RAB11FIP5: variants seen among roughly 807,000 people sequenced by gnomAD.
The protein encoded by RAB11FIP5 is rab11 family-interacting protein 5.
Under a neutral mutation model 85.1 loss-of-function variants are expected in RAB11FIP5, and 48 were observed. The observed-to-expected ratio is 0.56, with a 90% confidence interval of 0.45 to 0.72. The LOEUF (loss-of-function observed/expected upper bound fraction) is 0.72, where lower values mean the gene tolerates loss of function less well. Ranked by LOEUF, RAB11FIP5 falls within the 30% of genes least tolerant of loss-of-function variation. The pLI, the probability that RAB11FIP5 is intolerant of heterozygous loss-of-function variation, is 0.00. For missense variants in RAB11FIP5, 1,491 were observed against 1,687.0 expected, an observed-to-expected ratio of 0.88 and a Z score of 2.04; for synonymous variants, 729 against 727.3, an observed-to-expected ratio of 1.00 and a Z score of -0.04.
At chr2:73,079,271 GC>G (rs1054702231) in intron 4 of RAB11FIP5, among the ~76,000 whole-genome samples, 1 of 151,648 alleles carries the variant, frequency 6.6e-6, no homozygotes, top group Non-Finnish European at 1.5e-5. Context: ...AAGTTCCACC[GC>G]CCCCCACCCA....
intron 1 of RAB11FIP5, among the ~76,000 whole-genome samples, chr2:73,099,707 G>C (rs13406847): frequency 0.031 from 4,690 of 152,322 alleles, 240 homozygotes; most frequent in African/African-American, 0.11. Flanking sequence ...CCTGCTAGCT[G>C]GGAGCAAGCT....
intron 1 of RAB11FIP5, among the ~76,000 whole-genome samples, chr2:73,091,893 G>A (rs540906290): frequency 6.6e-6 from 1 of 152,342 alleles, no homozygotes; most frequent in African/African-American, 2.4e-5. Context: ...GGTAGGAACA[G>A]ATGGTGCCAC....
At position 73,076,230 on chromosome 2, in the gene RAB11FIP5, G is replaced by T. The variant is rs551077192; in HGVS notation, c.3582-48C>A. The T allele has an allele frequency of 2.7e-6, 4 of 1,497,870 alleles. No individual in the cohort carries two copies. In the South Asian group the frequency reaches 3.5e-5, roughly 13 times the overall value. 92.8% of individuals were successfully genotyped at this position (1,497,870 alleles called of 1,614,324 possible). A position where few individuals can be genotyped will look rare whatever the true frequency, so the allele number is the denominator to read the frequency against. On this transcript the variant is annotated intron_variant, in intron 4 of 5. Coordinates refer to ENST00000486777, the MANE Select transcript of RAB11FIP5 (RefSeq NM_001371272.1). Reference sequence around the variant, plus strand: ...GGTTACACAGAGAGAAGGGTGGCACGGGTCAAAGGTGGGGCTGCCTTCCCT... The same window carrying T: ...GGTTACACAGAGAGAAGGGTGGCACTGGTCAAAGGTGGGGCTGCCTTCCCT...
intron 1 of RAB11FIP5, among the ~76,000 whole-genome samples, chr2:73,090,127 T>C (rs1684181789): frequency 6.6e-6 from 1 of 152,104 alleles, no homozygotes; most frequent in Non-Finnish European, 1.5e-5. Flanking sequence ...TACTACCCCA[T>C]TGTACAGATC....
At chr2:73,096,375 A>G (rs1684319980) in intron 1 of RAB11FIP5, among the ~76,000 whole-genome samples, 1 of 152,140 alleles carries the variant, frequency 6.6e-6, no homozygotes, top group Non-Finnish European at 1.5e-5. Context: ...ACACATACCC[A>G]TGCAAGTGCC....
Position 73,112,379 on chromosome 2 carries a change from C to A in RAB11FIP5, c.399G>T (p.Glu133Asp). The A allele has an allele frequency of 6.2e-7, 1 of 1,600,708 alleles. No individual in the cohort carries two copies. ...FLGQATVALDEVFGAGRAQHT... is the reference protein window; with the variant it reads ...FLGQATVALDDVFGAGRAQHT... ...GCTGGGCGCGGCCTGCGCCGAAGAC[C>A]TCGTCCAGCGCCACCGTGGCCTGGC... is the stretch of plus-strand genomic sequence containing the variant. The change falls in exon 1 of 6, where the codon GAG becomes GAT. Residue 133 changes from glutamate (E) to aspartate (D), a missense_variant. Glu to Asp is a conservative substitution (Grantham distance 45, BLOSUM62 2). This residue lies in a region of RAB11FIP5 where 1,211 missense variants were observed against 1,338.0 expected (regional missense o/e 0.91). Coordinates refer to ENST00000486777, the MANE Select transcript of RAB11FIP5 (RefSeq NM_001371272.1).
chr2:73,087,945 C>T lies in RAB11FIP5; in HGVS notation c.1568+105G>A, dbSNP rs941607854. The stretch of plus-strand genomic sequence containing the variant: ...CATGCAAAGCCAGAGCCCCAGCAGC[C>T]TGCCTGAGGTCCATATCTACTCCTT... On this transcript the variant is annotated intron_variant, in intron 3 of 5. Transcript: ENST00000486777. The T allele has an allele frequency of 8.7e-6, 10 of 1,153,366 alleles. No homozygotes were observed. The African/African-American group carries it at 1.4e-4, about 16-fold the overall frequency. 71.4% of individuals were successfully genotyped at this position (1,153,366 alleles called of 1,614,324 possible).
intron 3 of RAB11FIP5, among the ~76,000 whole-genome samples, chr2:73,087,515 AC>A (rs1351056967): frequency 1.3e-5 from 2 of 152,174 alleles, no homozygotes; most frequent in East Asian, 3.9e-4. Flanking sequence ...TGGGGAAGCA[AC>A]TGGCAGGTGA....
intron 1 of RAB11FIP5, among the ~76,000 whole-genome samples, chr2:73,104,251 T>G (rs189442841): frequency 6.6e-6 from 1 of 152,160 alleles, no homozygotes; most frequent in East Asian, 1.9e-4. Context: ...TGCCCTTCTG[T>G]ACCTTTAGAA....
chr2:73,104,002 C>T (rs995710110), intron 1 of RAB11FIP5, among the ~76,000 whole-genome samples: 1 of 152,196 alleles, frequency 6.6e-6, no homozygotes, highest in African/African-American at 2.4e-5. Flanking sequence ...TCAGTTCAGA[C>T]CCCACAACAG....
chr2:73,088,988 G>A lies in RAB11FIP5; in HGVS notation c.759C>T (p.Gly253=). 6.2e-7 allele frequency: 1 copy of A among 1,614,222 alleles called. No individual in the cohort carries two copies. The highest frequency in any genetic ancestry group is 8.5e-7 in the Non-Finnish European group (1 of 1,180,038). The change falls in exon 2 of 6, where the codon GGC becomes GGT. Residue 253 remains glycine, a synonymous_variant. Coordinates refer to ENST00000486777, the MANE Select transcript of RAB11FIP5 (RefSeq NM_001371272.1). ...TGGCTGAGGACAGGGTGCTGTCCGA[G>A]CCCAGCGAGGTGTTGGACTGGGTCA... ...SSLTQSNTSL[G]SDSTLSSASG...
chr2:73,089,550 G>A lies in RAB11FIP5; in HGVS notation c.432-235C>T, dbSNP rs111644918. 532 of 605,258 alleles carry A rather than the reference G, an allele frequency of 8.8e-4. 3 individuals are homozygous for A. The highest frequency in any genetic ancestry group is 5.5e-3 in the African/African-American group (300 of 54,332). 37.5% of individuals were successfully genotyped at this position (605,258 alleles called of 1,614,324 possible). ...CACATCCTGAGTGGGGAAGCTCCTC[G>A]GGTGCCACCAGGTAGGGCGGCGGTT... On this transcript the variant is annotated intron_variant, in intron 1 of 5. Transcript: ENST00000486777. This position sits in a 1 kb window ranked among gnomAD's most constrained non-coding sequence, Gnocchi z 4.6.
At position 73,080,280 on chromosome 2, in the gene RAB11FIP5, G is replaced by A. The variant is rs1051055000; in HGVS notation, c.2952C>T (p.Pro984=). Residue 984 remains proline (P), a synonymous_variant, in exon 4 of 6, where the codon CCC becomes CCT. Transcript: ENST00000486777. The part of the protein sequence containing the change: ...GLEELVEDAS[P]PVSGPCLSAP... ...CAGACAGGCAGGGCCCAGACACAGGGGGGCTGGCATCCTCCACTAGCTCTT... is the reference window on the plus strand; with the variant it reads ...CAGACAGGCAGGGCCCAGACACAGGAGGGCTGGCATCCTCCACTAGCTCTT... 2.4e-6 allele frequency: 3 copies of A among 1,232,954 alleles called. No individual in the cohort carries two copies. Among genetic ancestry groups the A allele is most frequent in the Non-Finnish European group, 3.0e-6 (3 of 988,648 alleles). 76.4% of individuals were successfully genotyped at this position (1,232,954 alleles called of 1,614,324 possible). A position where few individuals can be genotyped will look rare whatever the true frequency, so the allele number is the denominator to read the frequency against.
chr2:73,088,367 G>C lies in RAB11FIP5; in HGVS notation c.1251C>G (p.Ala417=). 6.2e-7 allele frequency: 1 copy of C among 1,613,448 alleles called. No homozygotes were observed. The highest frequency in any genetic ancestry group is 8.5e-7 in the Non-Finnish European group (1 of 1,179,934). The change falls in exon 3 of 6, where the codon GCC becomes GCG. Residue 417 remains alanine, a synonymous_variant. Coordinates refer to ENST00000486777, the MANE Select transcript of RAB11FIP5 (RefSeq NM_001371272.1). Reference sequence around the variant, plus strand: ...CCCCCTCCTCCTCTCCAGGGTGGCTGGCCCCAGGGGCCAGGACTTTAGCCT... The same window carrying C: ...CCCCCTCCTCCTCTCCAGGGTGGCTCGCCCCAGGGGCCAGGACTTTAGCCT... ...SAQAKVLAPG[A]SHPGEEEGAR...
At chr2:73,085,457 G>A (rs920379560) in intron 3 of RAB11FIP5, among the ~76,000 whole-genome samples, 1 of 152,200 alleles carries the variant, frequency 6.6e-6, no homozygotes, top group African/African-American at 2.4e-5. Flanking sequence ...TGGCCCTGGC[G>A]GGTTTAAAAT....
At chr2:73,096,735 C>A (rs908800226) in intron 1 of RAB11FIP5, among the ~76,000 whole-genome samples, 1 of 152,304 alleles carries the variant, frequency 6.6e-6, no homozygotes, top group South Asian at 2.1e-4. Flanking sequence ...CGTCCACATT[C>A]CACCCAGCAA....
At chr2:73,082,559 A>G (rs1054261042) in intron 3 of RAB11FIP5, among the ~76,000 whole-genome samples, 16 of 152,226 alleles carry the variant, frequency 1.1e-4, no homozygotes, top group Non-Finnish European at 2.1e-4. Flanking sequence ...GCTAAGGAAT[A>G]TAAGCCACCT....
chr2:73,111,849 T>C (rs1684661685), intron 1 of RAB11FIP5, among the ~76,000 whole-genome samples: 1 of 152,180 alleles, frequency 6.6e-6, no homozygotes, highest in East Asian at 1.9e-4. Flanking sequence ...AGCCAGCTTC[T>C]ACGTTTAGCG....
At position 73,086,669 on chromosome 2, in the gene RAB11FIP5, G is replaced by A. The variant is rs1402033437; in HGVS notation, c.1568+1381C>T. ...TACCCTACCACCTCCAAATACCTCT[G>A]GCTGGCTGTCACAGGGACACCAGGC... On this transcript the variant is annotated intron_variant, in intron 3 of 5. Transcript: ENST00000486777. The surrounding 1 kb of genome is among the most constrained non-coding windows in gnomAD (Gnocchi z 4.4). Among the ~76,000 whole-genome samples the A allele has an allele frequency of 6.6e-6, 1 of 152,158 alleles. No homozygotes were observed. Among genetic ancestry groups the A allele is most frequent in the African/African-American group, 2.4e-5 (1 of 41,434 alleles).
Sources: gnomAD v4.1 joint callset for allele counts (sites outside exome capture counted in the v4.1 genomes callset) on GRCh38, gnomAD v4.1.1 for gene constraint, gnomAD v4.1.1 regional missense constraint, Gnocchi (gnomAD v3.1) non-coding constraint, MANE v1.5 for transcripts, NCBI Gene and HGNC (gene_info 2026-07-23, HGNC 2026-07-21) for gene names.